The following ADAMTS6 variants were observed in gnomAD, a reference collection of about 807,000 sequenced individuals.
ADAMTS6 encodes ADAM metallopeptidase with thrombospondin type 1 motif 6.
ADAMTS6 carries 23 observed loss-of-function variants against 144.3 expected under a neutral mutation model. The ratio of observed to expected loss-of-function variants is 0.16; its 90% CI spans 0.11 to 0.23. ADAMTS6 has a LOEUF of 0.23. Ranked by LOEUF, ADAMTS6 falls within the 10% of genes least tolerant of loss-of-function variation. ADAMTS6 has a pLI of 1.00. For synonymous variants in ADAMTS6, 444 were observed against 457.5 expected (o/e 0.97, Z 0.38); for missense variants, 999 against 1,379.6 (o/e 0.72, Z 4.37).
intron 24 of ADAMTS6, among the ~76,000 whole-genome samples, chr5:65,164,054 T>C (rs1309606): frequency 1 from 152,280 of 152,300 alleles, 76,130 homozygotes; most frequent in Middle Eastern, 1. Context: ...GGAACAGCTC[T>C]GGTCAACAGC....
intron 7 of ADAMTS6, among the ~76,000 whole-genome samples, chr5:65,392,185 A>G (rs1752976397): frequency 6.6e-6 from 1 of 152,182 alleles, no homozygotes; most frequent in South Asian, 2.1e-4. Flanking sequence ...TCTGTTCTTC[A>G]TTCATTGTAT....
chr5:65,195,146 A>G (rs1157584361), intron 21 of ADAMTS6, among the ~76,000 whole-genome samples: 2 of 152,222 alleles, frequency 1.3e-5, no homozygotes, highest in African/African-American at 2.4e-5. Flanking sequence ...CAATGACATG[A>G]AAATATGCTG....
intron 24 of ADAMTS6, among the ~76,000 whole-genome samples, chr5:65,155,935 C>A (rs1279157185): frequency 6.6e-6 from 1 of 152,074 alleles, no homozygotes; most frequent in Non-Finnish European, 1.5e-5. Flanking sequence ...TTTAGAATAG[C>A]CTGAATTATC....
Position 65,298,836 on chromosome 5 carries a change from T to A in ADAMTS6, c.1370+1149A>T, listed in dbSNP as rs183356676. ...GCTAGGTAATTTAAAGTCTCTTGTT[T>A]GTGACCTTTTAAAAATATCTAATCA... On this transcript the variant is annotated intron_variant, in intron 10 of 24. Transcript: ENST00000381055. Among the ~76,000 whole-genome samples, 36 of 152,254 alleles carry A rather than the reference T, an allele frequency of 2.4e-4. No homozygotes were observed. The Middle Eastern group carries it at 0.01, about 43-fold the overall frequency.
intron 7 of ADAMTS6, among the ~76,000 whole-genome samples, chr5:65,379,258 A>C (rs2150132339): frequency 6.6e-6 from 1 of 152,316 alleles, no homozygotes; most frequent in South Asian, 2.1e-4. Flanking sequence ...TTTTCCTTGA[A>C]GACATGGTGA....
chr5:65,245,330 C>G (rs144726647), intron 14 of ADAMTS6, among the ~76,000 whole-genome samples: 90 of 152,238 alleles, frequency 5.9e-4, no homozygotes, highest in African/African-American at 2.0e-3. Context: ...CTCCTTTCCT[C>G]TGTGCCTTGG....
chr5:65,391,660 A>G (rs1479468886), intron 7 of ADAMTS6, among the ~76,000 whole-genome samples: 3 of 151,694 alleles, frequency 2.0e-5, no homozygotes, highest in Non-Finnish European at 4.4e-5. Flanking sequence ...AGGGTTAGAC[A>G]TTATATTTAG....
intron 11 of ADAMTS6, among the ~76,000 whole-genome samples, chr5:65,287,815 C>G (rs1741829199): frequency 6.6e-6 from 1 of 152,168 alleles, no homozygotes; most frequent in Non-Finnish European, 1.5e-5. Flanking sequence ...CAGGCGTGAG[C>G]CACCGTGCCT....
intron 11 of ADAMTS6, among the ~76,000 whole-genome samples, chr5:65,289,498 C>T (rs1029940572): frequency 6.6e-6 from 1 of 152,052 alleles, no homozygotes; most frequent in South Asian, 2.1e-4. Flanking sequence ...TGCACTCCAG[C>T]CTGGGTGACA....
At chr5:65,354,241 G>A (rs537934544) in intron 7 of ADAMTS6, among the ~76,000 whole-genome samples, 4 of 151,850 alleles carry the variant, frequency 2.6e-5, no homozygotes, top group Admixed American at 2.6e-4. Context: ...GAGAGCAGAG[G>A]CAATGATTTC....
intron 9 of ADAMTS6, among the ~76,000 whole-genome samples, chr5:65,327,545 T>C (rs1231928401): frequency 6.6e-6 from 1 of 152,178 alleles, no homozygotes; most frequent in Non-Finnish European, 1.5e-5. Context: ...AAACAAGAGT[T>C]AACTGTGAAA....
In ADAMTS6 at chr5:65,224,915, C is replaced by T. The variant is rs200339220; in HGVS notation, c.2191+9G>A. ...GAGGTGTGAGGAAGAGTTCTCTCTA[C>T]ATACTCACCTCCCCTGGGCAGTGAA... On this transcript the variant is annotated intron_variant, in intron 17 of 24. Coordinates refer to ENST00000381055, the MANE Select transcript of ADAMTS6 (RefSeq NM_197941.4). The T allele has an allele frequency of 1.2e-6, 2 of 1,610,938 alleles. No individual in the cohort carries two copies. Among genetic ancestry groups the T allele is most frequent in the Non-Finnish European group, 1.7e-6 (2 of 1,178,848 alleles).
At chr5:65,449,107 AACATAATTATAG>A (rs1758526439) in intron 7 of ADAMTS6, among the ~76,000 whole-genome samples, 1 of 152,198 alleles carries the variant, frequency 6.6e-6, no homozygotes, top group Admixed American at 6.5e-5. Context: ...TAGTAATTCA[AACATAATTATAG>A]ACTTTTAAAT....
intron 7 of ADAMTS6, among the ~76,000 whole-genome samples, chr5:65,413,297 G>A (rs1755219475): frequency 6.6e-6 from 1 of 152,142 alleles, no homozygotes; most frequent in Non-Finnish European, 1.5e-5. Context: ...AACTTGGCAT[G>A]ATACCTACGC....
intron 11 of ADAMTS6, among the ~76,000 whole-genome samples, chr5:65,288,465 G>A (rs1407009249): frequency 6.6e-6 from 1 of 151,778 alleles, no homozygotes; most frequent in Non-Finnish European, 1.5e-5. Context: ...GACTACAGGC[G>A]TGCACCACCA....
intron 11 of ADAMTS6, among the ~76,000 whole-genome samples, 154 bp downstream of exon 11, chr5:65,291,175 T>C (rs1328308600): frequency 6.6e-6 from 1 of 152,214 alleles, no homozygotes; most frequent in Admixed American, 6.5e-5. Flanking sequence ...AAAAATATTG[T>C]ACATATGATG....
chr5:65,225,974 TA>T, intron 16 of ADAMTS6, 111 bp downstream of exon 16: 1 of 1,169,768 alleles, frequency 8.5e-7, no homozygotes, highest in Non-Finnish European at 1.1e-6. Flanking sequence ...TGAATTTCTC[TA>T]AAATGTGGTC....
intron 7 of ADAMTS6, among the ~76,000 whole-genome samples, chr5:65,445,074 G>A (rs1189643657): frequency 3.3e-5 from 5 of 152,154 alleles, no homozygotes; most frequent in Non-Finnish European, 7.3e-5. Context: ...ATTCCTTAGA[G>A]TTTAGTACAA....
intron 7 of ADAMTS6, among the ~76,000 whole-genome samples, chr5:65,350,111 G>A (rs190378224): frequency 3.3e-5 from 5 of 152,258 alleles, no homozygotes; most frequent in Admixed American, 2.6e-4. Flanking sequence ...TCAGATGAAT[G>A]CCCTTTGAGC....
Sources: allele counts gnomAD v4.1 joint callset (sites outside exome capture counted in the v4.1 genomes callset), GRCh38; gene constraint gnomAD v4.1.1; transcripts MANE v1.5; gene names NCBI Gene and HGNC (gene_info 2026-07-23, HGNC 2026-07-21).